The following KCNB2 variants were observed in gnomAD, a reference collection of about 807,000 sequenced individuals.
KCNB2 encodes the protein delayed rectifier potassium channel protein.
KCNB2 carries 15 observed loss-of-function variants against 61.5 expected under a neutral mutation model. The ratio of observed to expected loss-of-function variants is 0.24; its 90% confidence interval spans 0.16 to 0.38. KCNB2 has a LOEUF of 0.38. Ranked by LOEUF, KCNB2 falls within the 10% of genes least tolerant of loss-of-function variation. The probability of loss-of-function intolerance (pLI) is 1.00; values close to 1 mark genes in which losing one functional copy is unlikely to be tolerated. For synonymous variants in KCNB2, 457 were observed against 446.0 expected (o/e 1.02, Z -0.31); for missense variants, 828 against 1,125.2 (o/e 0.74, Z 3.78).
At chr8:72,868,428 A>G (rs1236663324) in intron 2 of KCNB2, among the ~76,000 whole-genome samples, 2 of 151,836 alleles carry the variant, frequency 1.3e-5, no homozygotes, top group African/African-American at 4.8e-5. Flanking sequence ...AAATACAAAA[A>G]TTAGCCAGGC....
intron 2 of KCNB2, among the ~76,000 whole-genome samples, chr8:72,828,307 G>A (rs918871188): frequency 5.9e-5 from 9 of 152,152 alleles, no homozygotes; most frequent in African/African-American, 2.2e-4. Context: ...AATGTCCTGA[G>A]TGCTTGGATT....
intron 2 of KCNB2, among the ~76,000 whole-genome samples, chr8:72,645,243 G>A (rs1379565722): frequency 6.6e-6 from 1 of 151,948 alleles, no homozygotes; most frequent in Non-Finnish European, 1.5e-5. Flanking sequence ...TTCATCCCCA[G>A]GAGATGGCAT....
intron 2 of KCNB2, among the ~76,000 whole-genome samples, chr8:72,617,014 C>G (rs1805630064): frequency 1.3e-5 from 2 of 152,142 alleles, no homozygotes; most frequent in African/African-American, 4.8e-5. Context: ...ACACCTCGAG[C>G]CAGGTGTCTG....
intron 2 of KCNB2, among the ~76,000 whole-genome samples, chr8:72,571,344 A>T (rs1391494181): frequency 6.6e-6 from 1 of 152,226 alleles, no homozygotes; most frequent in Non-Finnish European, 1.5e-5. Context: ...GGTGTCACAT[A>T]AGGAGCCACT....
chr8:72,750,162 G>A (rs1808164668), intron 2 of KCNB2: 2 of 152,006 alleles, frequency 1.3e-5, no homozygotes, highest in South Asian at 4.1e-4. Flanking sequence ...TCTGTGACTT[G>A]CTTTCCTCCA....
chr8:72,793,507 G>T (rs1808978875), intron 2 of KCNB2, among the ~76,000 whole-genome samples: 1 of 152,106 alleles, frequency 6.6e-6, no homozygotes, highest in Non-Finnish European at 1.5e-5. Flanking sequence ...GAGGAGACAT[G>T]GATGTGGAGG....
chr8:72,847,788 C>A (rs1466060322), intron 2 of KCNB2, among the ~76,000 whole-genome samples: 1 of 151,998 alleles, frequency 6.6e-6, no homozygotes, highest in Non-Finnish European at 1.5e-5. Context: ...CCATAATATC[C>A]CAGATATTCC....
chr8:72,745,875 C>T (rs142843852), intron 2 of KCNB2, among the ~76,000 whole-genome samples: 6 of 152,202 alleles, frequency 3.9e-5, no homozygotes, highest in South Asian at 4.1e-4. Context: ...TATCAGGCAC[C>T]GGCTCAGAGG....
At chr8:72,631,221 A>G (rs1805875848) in intron 2 of KCNB2, among the ~76,000 whole-genome samples, 2 of 152,214 alleles carry the variant, frequency 1.3e-5, no homozygotes, top group Admixed American at 1.3e-4. Context: ...ACTGCGGATC[A>G]GAGGAGACTG....
At chr8:72,725,565 GTA>G (rs111953660) in intron 2 of KCNB2, among the ~76,000 whole-genome samples, 3 of 47,978 alleles carry the variant, frequency 6.3e-5, no homozygotes, top group African/African-American at 1.3e-4. Context: ...ATGTATATAT[GTA>G]TATATATGTA....
chr8:72,788,870 C>T (rs1412561932), intron 2 of KCNB2, among the ~76,000 whole-genome samples: 1 of 152,128 alleles, frequency 6.6e-6, no homozygotes, highest in Admixed American at 6.6e-5. Context: ...CTGCTTAATA[C>T]AATAACTAGT....
chr8:72,689,521 A>G (rs1806908173), intron 2 of KCNB2, among the ~76,000 whole-genome samples: 4 of 152,170 alleles, frequency 2.6e-5, no homozygotes, highest in Admixed American at 6.5e-5. Flanking sequence ...TCATCACCCA[A>G]AAAGAAAGCT....
intron 2 of KCNB2, among the ~76,000 whole-genome samples, chr8:72,668,266 G>A (rs1806510055): frequency 6.6e-6 from 1 of 152,178 alleles, no homozygotes; most frequent in Non-Finnish European, 1.5e-5. Context: ...ACACAGGCAT[G>A]AAGCACCCAT....
At chr8:72,740,567 G>A (rs1015143942) in intron 2 of KCNB2, among the ~76,000 whole-genome samples, 3 of 152,166 alleles carry the variant, frequency 2.0e-5, no homozygotes, top group African/African-American at 7.2e-5. Flanking sequence ...GAAAAGATGA[G>A]AGGCCCATGA....
intron 2 of KCNB2, among the ~76,000 whole-genome samples, chr8:72,858,709 G>A (rs144685932): frequency 5.5e-4 from 84 of 152,276 alleles, no homozygotes; most frequent in African/African-American, 1.5e-3. Flanking sequence ...GATAGTTGTC[G>A]CTATAAATCT....
intron 2 of KCNB2, among the ~76,000 whole-genome samples, chr8:72,655,341 G>A (rs1306621348): frequency 6.6e-6 from 1 of 151,982 alleles, no homozygotes; most frequent in Non-Finnish European, 1.5e-5. Context: ...ACTACCTATT[G>A]GGTACTATGG....
rs537004389 is a variant in KCNB2 at position 72,646,107 on chromosome 8, T to C, written c.579+77794T>C. ...TGAATCAACTGTGTTTTTACTATTG[T>C]TCTATGTATATTCAAGTTTAATAAA... is the stretch of plus-strand genomic sequence containing the variant. On this transcript the variant is annotated intron_variant, in intron 2 of 2. Coordinates refer to ENST00000523207, the MANE Select transcript of KCNB2 (RefSeq NM_004770.3). Among the ~76,000 whole-genome samples the C allele has an allele frequency of 7.9e-5, 12 of 152,250 alleles. No individual in the cohort carries two copies. The South Asian group carries it at 1.0e-3, about 13-fold the overall frequency.
chr8:72,714,716 G>T (rs1807395404), intron 2 of KCNB2, among the ~76,000 whole-genome samples: 1 of 152,162 alleles, frequency 6.6e-6, no homozygotes, highest in Non-Finnish European at 1.5e-5. Context: ...ATGCCAAATT[G>T]TAAAGACCAT....
At chr8:72,693,333 C>G (rs1306535481) in intron 2 of KCNB2, among the ~76,000 whole-genome samples, 2 of 152,214 alleles carry the variant, frequency 1.3e-5, no homozygotes, top group African/African-American at 4.8e-5. Flanking sequence ...TCCTTTGGTG[C>G]ACGGATGTCC....
Sources: gnomAD v4.1 joint callset for allele counts (sites outside exome capture counted in the v4.1 genomes callset) on GRCh38, gnomAD v4.1.1 for gene constraint, MANE v1.5 for transcripts, NCBI Gene and HGNC (gene_info 2026-07-23, HGNC 2026-07-21) for gene names.